Variants in ARRDC5 observed in about 807,000 individuals in gnomAD.
ARRDC5 encodes the protein arrestin domain-containing protein 5.
ARRDC5 carries 12 observed loss-of-function variants against 13.3 expected under a neutral mutation model. That is an observed-to-expected ratio of 0.90 (90% CI 0.58 to 1.46). The LOEUF is 1.46. Ranked by LOEUF, ARRDC5 falls within the 40% of genes most tolerant of loss-of-function variation. ARRDC5 has a pLI of 0.00. For synonymous variants in ARRDC5, 181 were observed against 173.4 expected, an observed-to-expected ratio of 1.04 and a Z score of -0.34; for missense variants, 406 against 418.7, an observed-to-expected ratio of 0.97 and a Z score of 0.26.
the ARRDC5 span, chr19:4,909,693 C>T: frequency 2.0e-6 from 1 of 508,162 alleles, no homozygotes; most frequent in Non-Finnish European, 3.4e-6. Context: ...CAGCCCGGGC[C>T]GGGCGCACGG....
At chr19:4,916,549 C>G in the ARRDC5 span, among the ~76,000 whole-genome samples, 1 of 152,120 alleles carries the variant, frequency 6.6e-6, no homozygotes, top group Non-Finnish European at 1.5e-5. Context: ...CTGTCCTCAG[C>G]GGTGACCCGG....
intron 1 of ARRDC5, among the ~76,000 whole-genome samples, chr19:4,901,503 A>G (rs982822323): frequency 6.6e-6 from 1 of 151,804 alleles, no homozygotes; most frequent in Non-Finnish European, 1.5e-5. Context: ...AATCCCAGCC[A>G]CTCAGGAGGC....
upstream of ARRDC5, among the ~76,000 whole-genome samples, chr19:4,907,871 C>T (rs1398925291): frequency 6.6e-6 from 1 of 151,982 alleles, no homozygotes; most frequent in Non-Finnish European, 1.5e-5. Context: ...TGCCACCACG[C>T]CAGGCTAATT....
chr19:4,891,120 C>A lies in ARRDC5; in HGVS notation c.913G>T (p.Ala305Ser), dbSNP rs564002058. The change falls in exon 3 of 3, where the codon GCC becomes TCC. Residue 305 changes from alanine (A) to serine (S), a missense_variant. By Grantham distance (99) the Ala-to-Ser change is moderately conservative (BLOSUM62 1). Coordinates refer to ENST00000650722, the MANE Select transcript of ARRDC5 (RefSeq NM_001080523.3). ...TGGCAGATGGCAGAGTCCACTGAGG[C>A]GCTGGTGATGATGATGGGAACTTTG... ...KAKVPIIITS[A>S]SVDSAICQLS... 1.2e-6 allele frequency: 2 copies of A among 1,613,914 alleles called. No individual in the cohort carries two copies. The highest frequency in any genetic ancestry group is 1.7e-6 in the Non-Finnish European group (2 of 1,179,850).
At chr19:4,903,303 C>A (rs2031986525), upstream of ARRDC5, 1 of 163,674 alleles carries the variant, frequency 6.1e-6, no homozygotes, top group Non-Finnish European at 1.4e-5. Flanking sequence ...CAGGCGTGAG[C>A]CACTGCACCT....
intron 1 of ARRDC5, among the ~76,000 whole-genome samples, chr19:4,898,513 C>A (rs969127944): frequency 1.3e-5 from 2 of 152,060 alleles, no homozygotes; most frequent in African/African-American, 4.8e-5. Context: ...AGGTGTGTAC[C>A]ACCATGCCTG....
chr19:4,903,018 C>CCTCA (rs1331946640), upstream of ARRDC5: 5 of 417,966 alleles, frequency 1.2e-5, no homozygotes, highest in East Asian at 1.6e-4. Flanking sequence ...AACCTGTAGT[C>CCTCA]CTCACTGGTT....
At chr19:4,891,854 C>G (rs951790592) in intron 2 of ARRDC5, among the ~76,000 whole-genome samples, 3 of 150,758 alleles carry the variant, frequency 2.0e-5, no homozygotes, top group Admixed American at 6.6e-5. Context: ...ACTCAGGAGG[C>G]TGAGGCAGGA....
chr19:4,894,105 G>A (rs569017350), intron 2 of ARRDC5, among the ~76,000 whole-genome samples: 111 of 151,234 alleles, frequency 7.3e-4, no homozygotes, highest in African/African-American at 2.5e-3. Context: ...CAGCCGGTGC[G>A]GTGGCTCACG....
chr19:4,893,931 C>A (rs907366463), intron 2 of ARRDC5, among the ~76,000 whole-genome samples: 11 of 150,286 alleles, frequency 7.3e-5, no homozygotes, highest in Non-Finnish European at 1.3e-4. Flanking sequence ...ACCTGTAGTC[C>A]CAGCTACTTG....
At chr19:4,893,787 A>T (rs1460176699) in intron 2 of ARRDC5, among the ~76,000 whole-genome samples, 1 of 150,650 alleles carries the variant, frequency 6.6e-6, no homozygotes, top group Non-Finnish European at 1.5e-5. Context: ...TCACCCCTGT[A>T]ATCCCAGCAC....
At chr19:4,910,645 T>C in the ARRDC5 span, 9 of 403,886 alleles carry the variant, frequency 2.2e-5, no homozygotes, top group South Asian at 9.8e-4. Flanking sequence ...CCTCTTTTCA[T>C]TCTCCTTCCT....
intron 1 of ARRDC5, among the ~76,000 whole-genome samples, chr19:4,900,395 C>G (rs28526006): frequency 0.081 from 12,366 of 152,092 alleles, 611 homozygotes; most frequent in Admixed American, 0.18. Context: ...TGGGATAACA[C>G]GTGTGAGCCA....
At chr19:4,891,597 C>A (rs1247093139) in intron 2 of ARRDC5, 24 bp from the exon 3 acceptor site, 4 of 1,590,868 alleles carry the variant, frequency 2.5e-6, no homozygotes, top group Admixed American at 1.7e-5. Context: ...GGGGAACAGA[C>A]AACCGTGAGG....
At chr19:4,913,251 G>GTTTT in the ARRDC5 span, among the ~76,000 whole-genome samples, 19 of 83,298 alleles carry the variant, frequency 2.3e-4, no homozygotes, top group African/African-American at 1.5e-3. Context: ...TGTACATTGT[G>GTTTT]CTTTTTTTTT....
At chr19:4,912,176 A>C in the ARRDC5 span, among the ~76,000 whole-genome samples, 1 of 152,142 alleles carries the variant, frequency 6.6e-6, no homozygotes, top group Admixed American at 6.6e-5. Context: ...GGAGGAGGCG[A>C]TCTGGAGAAC....
intron 1 of ARRDC5, among the ~76,000 whole-genome samples, chr19:4,900,240 C>T (rs1021643306): frequency 1.3e-5 from 2 of 149,558 alleles, no homozygotes; most frequent in East Asian, 2.0e-4. Context: ...CTCCGCCTCC[C>T]GGGTTCACGC....
At chr19:4,911,133 C>A in the ARRDC5 span, 79 of 1,254,738 alleles carry the variant, frequency 6.3e-5, no homozygotes, top group South Asian at 3.3e-4. Context: ...ACCTCCCCCC[C>A]CAACAACCTC....
At position 4,902,703 on chromosome 19, in the gene ARRDC5, C is replaced by T; in HGVS notation, c.123G>A (p.Lys41=). 1 of 1,614,056 alleles carries T rather than the reference C, an allele frequency of 6.2e-7. No individual in the cohort carries two copies. ...LNSTLVDPIV[K]VELVGRGYVE... Reference sequence around the variant, plus strand: ...CGTAACCCCTTCCCACGAGCTCCACCTTCACTATGGGGTCCACCAGGGTGC... The same window carrying T: ...CGTAACCCCTTCCCACGAGCTCCACTTTCACTATGGGGTCCACCAGGGTGC... The change falls in exon 1 of 3, where the codon AAG becomes AAA. Residue 41 remains lysine, a synonymous_variant. Transcript: ENST00000650722.
Sources: gnomAD v4.1 joint callset for allele counts (sites outside exome capture counted in the v4.1 genomes callset) on GRCh38, gnomAD v4.1.1 for gene constraint, MANE v1.5 for transcripts, NCBI Gene and HGNC (gene_info 2026-07-23, HGNC 2026-07-21) for gene names.